SATL1: variants seen among roughly 807,000 people sequenced by gnomAD.
SATL1 encodes spermidine/spermine N1-acetyl transferase like 1, also known as spermidine/spermine N(1)-acetyltransferase-like protein 1.
Under a neutral mutation model 51.8 loss-of-function variants are expected in SATL1, and 47 were observed. That is an observed-to-expected ratio of 0.91 (90% confidence interval 0.72 to 1.16). The LOEUF (loss-of-function observed/expected upper bound fraction) is 1.16. Among genes scored for constraint, SATL1 ranks in the 50% most tolerant of loss-of-function variants. The probability of loss-of-function intolerance (pLI) is 0.00; values close to 1 mark genes in which losing one functional copy is unlikely to be tolerated. For synonymous variants in SATL1, 176 were observed against 182.4 expected (o/e 0.97, Z 0.28); for missense variants, 520 against 526.4 (o/e 0.99, Z 0.12).
At chrX:85,129,176 C>T (rs781611404) in intron 2 of SATL1, among the ~76,000 whole-genome samples, 1 of 111,781 alleles carries the variant, frequency 8.9e-6, no homozygotes, top group African/African-American at 3.3e-5. Context: ...TTTTCCAATT[C>T]TGTGAAGAAA....
chrX:85,117,964 G>T (rs1041904841), intron 2 of SATL1, among the ~76,000 whole-genome samples: 1 of 109,707 alleles, frequency 9.1e-6, no homozygotes, highest in African/African-American at 3.3e-5. Context: ...AGGGACAAAA[G>T]ACTTTTTTTG....
chrX:85,128,975 C>A (rs748802624), intron 2 of SATL1, among the ~76,000 whole-genome samples: 1 of 111,516 alleles, frequency 9.0e-6, no homozygotes, highest in East Asian at 2.8e-4. Context: ...GGTGTTATTT[C>A]TGAGGGCTCT....
At chrX:85,224,941 T>C (rs902053692) in intron 1 of SATL1, among the ~76,000 whole-genome samples, 2 of 110,626 alleles carry the variant, frequency 1.8e-5, no homozygotes, top group African/African-American at 6.6e-5. Flanking sequence ...TGCTCAACAA[T>C]AAAAAGAATG....
Position 85,166,985 on chromosome X carries a change from A to T in SATL1, c.-313+57220T>A, listed in dbSNP as rs183500651. On this transcript the variant is annotated intron_variant, in intron 2 of 7. Coordinates refer to ENST00000644105, the MANE Select transcript of SATL1 (RefSeq NM_001367857.2). ...TGTGTGTGTGTGTGTGTGTGTGTAC[A>T]TGGTATAAAGGTGTGTGTATATATG... is the stretch of plus-strand genomic sequence containing the variant. Among the ~76,000 whole-genome samples, 140 of 97,107 alleles carry T rather than the reference A, an allele frequency of 1.4e-3. 1 individual carries two copies. Among genetic ancestry groups the T allele is most frequent in the African/African-American group, 5.4e-3 (137 of 25,249 alleles). The allele number at this position is 97,107 out of a possible 115,157, so 84.3% of individuals were successfully genotyped here.
intron 2 of SATL1, among the ~76,000 whole-genome samples, chrX:85,111,558 T>C (rs1925259901): frequency 8.9e-6 from 1 of 112,289 alleles, no homozygotes; most frequent in East Asian, 2.8e-4. Context: ...GGCAGTGTTA[T>C]CCAGTTTAGG....
intron 2 of SATL1, among the ~76,000 whole-genome samples, chrX:85,121,666 G>A (rs982431302): frequency 1.9e-5 from 2 of 106,999 alleles, no homozygotes; most frequent in Non-Finnish European, 3.8e-5. Context: ...CCTCTTCATG[G>A]GGGGTGTCTT....
At chrX:85,238,837 T>C (rs887414424) in intron 1 of SATL1, among the ~76,000 whole-genome samples, 1 of 111,082 alleles carries the variant, frequency 9.0e-6, no homozygotes, top group Non-Finnish European at 1.9e-5. Flanking sequence ...CCCACAAATA[T>C]ATACATCTAC....
intron 1 of SATL1, among the ~76,000 whole-genome samples, chrX:85,234,061 T>A (rs1027999066): frequency 9.1e-6 from 1 of 110,252 alleles, no homozygotes; most frequent in South Asian, 3.8e-4. Context: ...ATAAAAGAAA[T>A]GAACATGCAA....
intron 2 of SATL1, among the ~76,000 whole-genome samples, chrX:85,127,679 T>A (rs1051896169): frequency 3.6e-5 from 4 of 111,468 alleles, no homozygotes; most frequent in Admixed American, 1.9e-4. Context: ...AAGTTCTAGG[T>A]TACATATGCA....
At chrX:85,145,755 T>G (rs999600211) in intron 2 of SATL1, among the ~76,000 whole-genome samples, 1 of 111,409 alleles carries the variant, frequency 9.0e-6, no homozygotes, top group Admixed American at 9.5e-5. Context: ...GCTATGACAG[T>G]ATGCCATAAT....
At chrX:85,106,421 G>A (rs775986228) in intron 3 of SATL1, among the ~76,000 whole-genome samples, 1 of 111,798 alleles carries the variant, frequency 8.9e-6, no homozygotes, top group African/African-American at 3.2e-5. Context: ...CTCTCCAAAG[G>A]GAACACAAAC....
intron 1 of SATL1, 140 bp from the exon 2 acceptor site, chrX:85,224,466 A>T (rs1004092628): frequency 2.7e-5 from 3 of 111,434 alleles, no homozygotes; most frequent in Non-Finnish European, 5.7e-5. Flanking sequence ...CTATGATAAA[A>T]TTTTTTTCTA....
chrX:85,183,208 G>C (rs752286196), intron 2 of SATL1, among the ~76,000 whole-genome samples: 2 of 110,417 alleles, frequency 1.8e-5, no homozygotes, highest in African/African-American at 6.6e-5. Context: ...TATAGTTTCG[G>C]GTTCTATATT....
intron 2 of SATL1, among the ~76,000 whole-genome samples, chrX:85,189,491 GTTAAAGAC>G (rs1041498132): frequency 8.9e-5 from 10 of 112,144 alleles, no homozygotes; most frequent in African/African-American, 3.2e-4. Flanking sequence ...CTTCCCCACA[GTTAAAGAC>G]TTAAACGTAA....
At chrX:85,208,294 G>A (rs931580835) in intron 2 of SATL1, among the ~76,000 whole-genome samples, 14 of 111,745 alleles carry the variant, frequency 1.3e-4, no homozygotes, top group Non-Finnish European at 2.6e-4. Context: ...TCTTAATTCA[G>A]TCTATCACTG....
At chrX:85,196,487 G>C (rs1927564079) in intron 2 of SATL1, among the ~76,000 whole-genome samples, 1 of 111,208 alleles carries the variant, frequency 9.0e-6, no homozygotes, top group Admixed American at 9.6e-5. Flanking sequence ...GCAAATGCCA[G>C]AGTGCCAGAA....
chrX:85,182,255 T>G (rs1187432307), intron 2 of SATL1, among the ~76,000 whole-genome samples: 1 of 111,315 alleles, frequency 9.0e-6, no homozygotes, highest in Non-Finnish European at 1.9e-5. Context: ...TCCCCTACCC[T>G]TCCCAATCCC....
At chrX:85,241,528 A>G (rs1030707083) in intron 1 of SATL1, among the ~76,000 whole-genome samples, 5 of 112,348 alleles carry the variant, frequency 4.5e-5, no homozygotes, top group Admixed American at 9.4e-5. Flanking sequence ...AAAATAGCAT[A>G]AACAGCCAGC....
chrX:85,172,605 G>A (rs1480125572), intron 2 of SATL1, among the ~76,000 whole-genome samples: 1 of 111,053 alleles, frequency 9.0e-6, no homozygotes, highest in South Asian at 3.7e-4. Context: ...TTGACAGACT[G>A]TCTTAACTTA....
Sources: allele counts gnomAD v4.1 joint callset (sites outside exome capture counted in the v4.1 genomes callset), GRCh38; gene constraint gnomAD v4.1.1; transcripts MANE v1.5; gene names NCBI Gene and HGNC (gene_info 2026-07-23, HGNC 2026-07-21).